The following SMYD3 variants were observed in gnomAD, a reference collection of about 807,000 sequenced individuals.
SMYD3 encodes SET and MYND domain containing 3.
A neutral mutation model predicts 57.7 loss-of-function variants in SMYD3; 36 were observed. That is an observed-to-expected ratio of 0.62 (90% CI 0.48 to 0.82). SMYD3 has a LOEUF of 0.82. Ranked by LOEUF, SMYD3 falls within the 40% of genes least tolerant of loss-of-function variation. The pLI, the probability that SMYD3 is intolerant of heterozygous loss-of-function variation, is 0.00. For missense variants in SMYD3, 515 were observed against 538.8 expected, an observed-to-expected ratio of 0.96 and a Z score of 0.44; for synonymous variants, 211 against 195.0, an observed-to-expected ratio of 1.08 and a Z score of -0.68.
rs562540722 is a variant in SMYD3 at position 246,411,812 on chromosome 1, C to T, written c.165-56718G>A. Among the ~76,000 whole-genome samples the T allele has an allele frequency of 4.3e-4, 47 of 109,234 alleles. 1 individual carries two copies. The highest frequency in any genetic ancestry group is 1.4e-3 in the African/African-American group (44 of 31,658). The allele number at this position is 109,234 out of a possible 152,430, so 71.7% of individuals were successfully genotyped here. A position where few individuals can be genotyped will look rare whatever the true frequency, so the allele number is the denominator to read the frequency against. On this transcript the variant is annotated intron_variant, in intron 1 of 11. Transcript: ENST00000490107. ...GACACAGGAAGGGGAACATCACACACCAGGGACTGTTGTGGGGTTGGGGGA... is the reference window on the plus strand; with the variant it reads ...GACACAGGAAGGGGAACATCACACATCAGGGACTGTTGTGGGGTTGGGGGA...
At chr1:245,829,730 A>G (rs1212143488) in intron 10 of SMYD3, among the ~76,000 whole-genome samples, 1 of 152,238 alleles carries the variant, frequency 6.6e-6, no homozygotes, top group Non-Finnish European at 1.5e-5. Context: ...AAAAGTAGAA[A>G]GAGCCCAAAT....
intron 1 of SMYD3, among the ~76,000 whole-genome samples, chr1:246,488,244 A>C (rs184411708): frequency 6.6e-4 from 100 of 152,334 alleles, no homozygotes; most frequent in African/African-American, 2.3e-3. Flanking sequence ...TGCCAGCTTG[A>C]CTTGTACATC....
At chr1:246,372,719 A>C (rs2066212360) in intron 1 of SMYD3, among the ~76,000 whole-genome samples, 1 of 152,224 alleles carries the variant, frequency 6.6e-6, no homozygotes, top group African/African-American at 2.4e-5. Context: ...GGCCAGCTGC[A>C]GTGGCTCACG....
At chr1:246,353,068 T>C (rs2065856596) in intron 2 of SMYD3, among the ~76,000 whole-genome samples, 1 of 152,214 alleles carries the variant, frequency 6.6e-6, no homozygotes, top group Non-Finnish European at 1.5e-5. Flanking sequence ...GAACGAATAC[T>C]GTATAAAAAG....
intron 10 of SMYD3, among the ~76,000 whole-genome samples, chr1:245,807,619 C>T (rs1348150997): frequency 2.6e-5 from 4 of 152,142 alleles, no homozygotes; most frequent in African/African-American, 4.8e-5. Flanking sequence ...CATTCATGGA[C>T]TGGTAGTTAC....
At chr1:245,853,313 A>G (rs1418504830) in intron 10 of SMYD3, among the ~76,000 whole-genome samples, 1 of 152,234 alleles carries the variant, frequency 6.6e-6, no homozygotes, top group Non-Finnish European at 1.5e-5. Flanking sequence ...CTTCGTTGTC[A>G]GAGACAATGA....
chr1:246,081,390 TTTTC>T (rs898694088), intron 5 of SMYD3, among the ~76,000 whole-genome samples: 1 of 151,458 alleles, frequency 6.6e-6, no homozygotes, highest in Non-Finnish European at 1.5e-5. Flanking sequence ...TGTTTCTAGT[TTTTC>T]TTTTTTTCTT....
intron 7 of SMYD3, among the ~76,000 whole-genome samples, chr1:245,923,100 G>A (rs531161560): frequency 3.9e-5 from 6 of 152,214 alleles, no homozygotes; most frequent in Non-Finnish European, 7.4e-5. Context: ...ATGGTTCAAC[G>A]AGTTGAGAAA....
At chr1:246,130,700 G>T (rs72772571) in intron 5 of SMYD3, among the ~76,000 whole-genome samples, 5,715 of 152,204 alleles carry the variant, frequency 0.038, 145 homozygotes, top group Middle Eastern at 0.12. Flanking sequence ...AGACAGTTCT[G>T]ACCTTTTTGT....
intron 5 of SMYD3, among the ~76,000 whole-genome samples, chr1:245,952,403 G>A (rs1373189106): frequency 1.3e-5 from 2 of 152,056 alleles, no homozygotes; most frequent in African/African-American, 2.4e-5. Context: ...GAGAATTACC[G>A]ATTGTAATAA....
intron 5 of SMYD3, among the ~76,000 whole-genome samples, chr1:246,190,957 A>G (rs1273474801): frequency 6.6e-6 from 1 of 152,224 alleles, no homozygotes; most frequent in African/African-American, 2.4e-5. Flanking sequence ...AAAGCTTACC[A>G]TGCAATATTC....
intron 5 of SMYD3, among the ~76,000 whole-genome samples, chr1:246,107,099 A>T: frequency 7.1e-6 from 1 of 141,682 alleles, no homozygotes; most frequent in East Asian, 2.6e-4. Flanking sequence ...GGAGATCGAG[A>T]CCACGGTGAA....
intron 5 of SMYD3, among the ~76,000 whole-genome samples, chr1:246,224,751 A>T (rs2063303796): frequency 6.6e-6 from 1 of 152,114 alleles, no homozygotes; most frequent in Non-Finnish European, 1.5e-5. Context: ...ACATATTTTA[A>T]AGAAAATGTT....
Position 246,444,275 on chromosome 1 carries a change from G to A in SMYD3, c.164+62779C>T, listed in dbSNP as rs140774403. ...CAAGTAGTTGGGATTACAGGCATGT[G>A]CCACCACGCCTGGCTAATTTTTGTA... is the stretch of plus-strand genomic sequence containing the variant. On this transcript the variant is annotated intron_variant, in intron 1 of 11. Coordinates refer to ENST00000490107, the MANE Select transcript of SMYD3 (RefSeq NM_001167740.2). Among the ~76,000 whole-genome samples the A allele has an allele frequency of 6.5e-4, 99 of 152,224 alleles. 3 individuals are homozygous for A. The Middle Eastern group carries it at 0.01, about 16-fold the overall frequency.
intron 1 of SMYD3, among the ~76,000 whole-genome samples, chr1:246,456,933 A>C (rs2067707790): frequency 6.6e-6 from 1 of 152,240 alleles, no homozygotes; most frequent in Non-Finnish European, 1.5e-5. Flanking sequence ...AATGGACCAG[A>C]CTAATCCAAA....
intron 1 of SMYD3, among the ~76,000 whole-genome samples, chr1:246,400,328 T>G (rs1223494939): frequency 6.6e-6 from 1 of 152,252 alleles, no homozygotes; most frequent in Non-Finnish European, 1.5e-5. Flanking sequence ...TTAAGTGCCT[T>G]TTACAAATAT....
At chr1:245,848,257 C>T (rs933723807) in intron 10 of SMYD3, among the ~76,000 whole-genome samples, 2 of 147,610 alleles carry the variant, frequency 1.4e-5, no homozygotes, top group South Asian at 2.4e-4. Context: ...GCTTGAGCCA[C>T]CATGCCGAGT....
intron 8 of SMYD3, 138 bp downstream of exon 8, chr1:245,915,392 A>G: frequency 3.9e-6 from 2 of 507,238 alleles, no homozygotes; most frequent in East Asian, 3.0e-5. Flanking sequence ...ATGCAGTTCA[A>G]TGAGTTATCT....
intron 7 of SMYD3, among the ~76,000 whole-genome samples, chr1:245,916,199 G>A (rs908785477): frequency 6.6e-6 from 1 of 152,116 alleles, no homozygotes; most frequent in African/African-American, 2.4e-5. Flanking sequence ...ATAGGGGAGA[G>A]TTTAACTTGA....
Sources: gnomAD v4.1 joint callset for allele counts (sites outside exome capture counted in the v4.1 genomes callset) on GRCh38, gnomAD v4.1.1 for gene constraint, MANE v1.5 for transcripts, NCBI Gene and HGNC (gene_info 2026-07-23, HGNC 2026-07-21) for gene names.